The following ITGB2 variants were observed in gnomAD, a reference collection of about 807,000 sequenced individuals.
ITGB2 encodes integrin subunit beta 2.
In ITGB2, 56 loss-of-function variants were observed where a neutral mutation model predicts 86.8. That is an observed-to-expected ratio of 0.65 (90% CI 0.52 to 0.81). The LOEUF is 0.81. ITGB2 is among the 30% of genes least tolerant of loss of function. The pLI is 0.00. For missense variants in ITGB2, 948 were observed against 1,061.2 expected (o/e 0.89, Z 1.48); for synonymous variants, 457 against 450.4 (o/e 1.01, Z -0.19).
rs1568880149 is a variant in ITGB2 at position 44,888,881 on chromosome 21, C to CA, written c.1891dup (p.Cys631LeufsTer61). 6.2e-7 allele frequency: 1 copy of CA among 1,605,840 alleles called. No individual in the cohort carries two copies. Among genetic ancestry groups the CA allele is most frequent in the Non-Finnish European group, 8.5e-7 (1 of 1,179,874 alleles). On this transcript the variant is annotated frameshift_variant, in exon 14 of 16. Transcript: ENST00000652462. LOFTEE classifies it high-confidence loss of function. ...AAAGGGGCCCTTTTCGAACTTCAGG[C>CA]ACTCGGCGCAGGAGCTGCGGGGAGC...
In ITGB2 at chr21:44,914,582, C is replaced by T. The variant is rs147447970; in HGVS notation, c.-3-3797G>A. Among the ~76,000 whole-genome samples, 66 of 152,298 alleles carry T rather than the reference C, an allele frequency of 4.3e-4. 1 individual carries two copies. The East Asian group carries it at 0.01, about 24-fold the overall frequency. On this transcript the variant is annotated intron_variant, in intron 1 of 15. Coordinates refer to ENST00000652462, the MANE Select transcript of ITGB2 (RefSeq NM_000211.5). ...CCTGCAGCAGATCCGGGCCAAATCA[C>T]ACACACCCTTTCACAGAAGTCGAGG...
chr21:44,906,411 G>A (rs2084043797), intron 4 of ITGB2, among the ~76,000 whole-genome samples: 1 of 152,060 alleles, frequency 6.6e-6, no homozygotes, highest in Non-Finnish European at 1.5e-5. Context: ...GTGAGCCACC[G>A]ATAAGGAGGG....
At chr21:44,926,712 A>G (rs1270458601) in intron 1 of ITGB2, 4 of 152,276 alleles carry the variant, frequency 2.6e-5, no homozygotes, top group Non-Finnish European at 5.9e-5. Flanking sequence ...GCCAGGCGTG[A>G]GTGAGCAGGA....
In ITGB2 at chr21:44,915,226, G is replaced by C. The variant is rs150651706; in HGVS notation, c.-3-4441C>G. 3.9e-3 allele frequency among the ~76,000 whole-genome samples: 599 copies of C among 152,224 alleles called. 4 individuals carry two copies. Among genetic ancestry groups the C allele is most frequent in the African/African-American group, 0.013 (553 of 41,528 alleles). On this transcript the variant is annotated intron_variant, in intron 1 of 15. Transcript: ENST00000652462. The stretch of plus-strand genomic sequence containing the variant: ...TTTTTAGTAGAGACGAGGTTTCATC[G>C]TGTTGATCAGGATGGTCTCGATCTC...
chr21:44,894,886 T>TGCTGACCTGCAGCAGGA (rs1209732373), intron 9 of ITGB2, 85 bp downstream of exon 9: 2 of 976,642 alleles, frequency 2.0e-6, no homozygotes, highest in Admixed American at 3.5e-5. Flanking sequence ...ACCACCCTCC[T>TGCTGACCTGCAGCAGGA]GCTGACCTGC....
intron 4 of ITGB2, among the ~76,000 whole-genome samples, 167 bp downstream of exon 4, chr21:44,906,748 G>A (rs2146538203): frequency 6.6e-6 from 1 of 152,284 alleles, no homozygotes; most frequent in Admixed American, 6.5e-5. Flanking sequence ...GGGCACTGAG[G>A]AGCTCAGCTT....
intron 13 of ITGB2, 130 bp from the exon 14 acceptor site, chr21:44,889,025 C>T (rs1325417786): frequency 1.0e-5 from 8 of 769,846 alleles, no homozygotes; most frequent in Non-Finnish European, 1.7e-5. Flanking sequence ...AAGGAGGGGG[C>T]CCAAGTGGGG....
chr21:44,896,111 C>T (rs565777438), intron 8 of ITGB2, among the ~76,000 whole-genome samples: 5 of 151,918 alleles, frequency 3.3e-5, no homozygotes, highest in Admixed American at 6.5e-5. Flanking sequence ...TGACTGCTCC[C>T]GCCTGTGGTG....
intron 13 of ITGB2, 156 bp from the exon 14 acceptor site, chr21:44,889,051 C>T (rs1425413681): frequency 2.8e-5 from 20 of 711,380 alleles, no homozygotes; most frequent in South Asian, 1.0e-4. Context: ...GCGGGTGCAG[C>T]GGGTGAACTG....
intron 10 of ITGB2, among the ~76,000 whole-genome samples, chr21:44,892,689 T>A (rs2083805292): frequency 7.6e-6 from 1 of 131,710 alleles, no homozygotes; most frequent in Non-Finnish European, 1.6e-5. Context: ...ATTAAGAAAA[T>A]GCAATGAAAG....
upstream of ITGB2, among the ~76,000 whole-genome samples, chr21:44,922,518 C>A (rs1419496425): frequency 6.6e-6 from 1 of 151,806 alleles, no homozygotes; most frequent in African/African-American, 2.4e-5. Flanking sequence ...AAAAAATTTT[C>A]TAAGAATTCG....
intron 1 of ITGB2, chr21:44,927,874 C>G (rs1245563061): frequency 1.3e-5 from 2 of 152,288 alleles, no homozygotes; most frequent in East Asian, 3.9e-4. Context: ...ACAGGCTGAC[C>G]ATCAGGGCTG....
intron 9 of ITGB2, chr21:44,893,822 C>T: frequency 2.2e-6 from 1 of 449,666 alleles, no homozygotes; most frequent in South Asian, 2.0e-5. Flanking sequence ...CTTGAGTCCC[C>T]AGGACCTAGC....
At chr21:44,924,534 A>G (rs1601345088), upstream of ITGB2, among the ~76,000 whole-genome samples, 2 of 152,226 alleles carry the variant, frequency 1.3e-5, no homozygotes, top group African/African-American at 4.8e-5. Context: ...CAACTTAAAC[A>G]CAATTATGTT....
chr21:44,903,350 G>T lies in ITGB2; in HGVS notation c.499+15C>A. 1.2e-6 allele frequency: 2 copies of T among 1,614,030 alleles called. No individual in the cohort carries two copies. Among genetic ancestry groups the T allele is most frequent in the Non-Finnish European group, 1.7e-6 (2 of 1,179,930 alleles). ...GGAAAGGACTGGGTTTTGTCCTGCA[G>T]TGCCTGGGCCTCACCAATGCGGCCG... is the stretch of plus-strand genomic sequence containing the variant. On this transcript the variant is annotated intron_variant, in intron 5 of 15. Coordinates refer to ENST00000652462, the MANE Select transcript of ITGB2 (RefSeq NM_000211.5).
chr21:44,910,086 G>A (rs976061728), intron 3 of ITGB2, among the ~76,000 whole-genome samples, 198 bp downstream of exon 3: 32 of 152,354 alleles, frequency 2.1e-4, no homozygotes, highest in African/African-American at 7.7e-4. Context: ...ATACAAGTGT[G>A]TGTTCTGTGT....
At chr21:44,922,658 G>GAAAAAAAAAAAAAAAAAAAAAAAAAA (rs10532717), upstream of ITGB2, among the ~76,000 whole-genome samples, 2 of 114,706 alleles carry the variant, frequency 1.7e-5, no homozygotes, top group African/African-American at 2.9e-5. Context: ...GGGTAACTGA[G>GAAAAAAAAAAAAAAAAAAAAAAAAAA]AAAAAAAAAA....
At position 44,891,886 on chromosome 21, in the gene ITGB2, A is replaced by G. The variant is rs762391130; in HGVS notation, c.1335T>C (p.Cys445=). The G allele has an allele frequency of 3.4e-5, 55 of 1,612,952 alleles. No individual in the cohort carries two copies. Among genetic ancestry groups the G allele is most frequent in the East Asian group, 2.0e-4 (9 of 44,876 alleles). ...DIVTVQVLPQ[C]ECRCRDQSRD... The stretch of plus-strand genomic sequence containing the variant: ...TGCTCTGGTCCCGGCACCGGCACTC[A>G]CACTGGGGAAGAACCTGCACGGTCA... Residue 445 remains cysteine, a synonymous_variant, in exon 11 of 16, where the codon TGT becomes TGC. Coordinates refer to ENST00000652462, the MANE Select transcript of ITGB2 (RefSeq NM_000211.5).
chr21:44,914,348 C>A (rs553179869), intron 1 of ITGB2: 1 of 152,512 alleles, frequency 6.6e-6, no homozygotes. Flanking sequence ...GAAGTGGTAC[C>A]TGTCACCAAG....
Sources: allele counts gnomAD v4.1 joint callset (sites outside exome capture counted in the v4.1 genomes callset), GRCh38; gene constraint gnomAD v4.1.1; transcripts MANE v1.5; gene names NCBI Gene and HGNC (gene_info 2026-07-23, HGNC 2026-07-21).